E2F1: variants seen among roughly 807,000 people sequenced by gnomAD.
The protein encoded by E2F1 is transcription factor E2F1.
In E2F1, 7 loss-of-function variants were observed where a neutral mutation model predicts 36.9. The ratio of observed to expected loss-of-function variants is 0.19; its 90% CI spans 0.11 to 0.36. E2F1 has a LOEUF of 0.36. E2F1 is among the 10% of genes least tolerant of loss of function. The pLI is 1.00. For missense variants in E2F1, 406 were observed against 573.6 expected (o/e 0.71, Z 2.99); for synonymous variants, 261 against 263.1 (o/e 0.99, Z 0.08).
Position 33,677,112 on chromosome 20 carries a change from C to T in E2F1, c.1059G>A (p.Leu353=). 1.9e-6 allele frequency: 3 copies of T among 1,612,478 alleles called. No individual in the cohort carries two copies. The highest frequency in any genetic ancestry group is 1.7e-5 in the Admixed American group (1 of 59,946). The change falls in exon 6 of 7, where the codon CTG becomes CTA. Residue 353 remains leucine (L), a synonymous_variant. Coordinates refer to ENST00000343380, the MANE Select transcript of E2F1 (RefSeq NM_005225.3). ...CACCTACCCATCACCCACCTTGCTC[C>T]AGGCTGAGTAGAGACTGGCTGGGAT... The part of the protein sequence containing the change: ...TTDPSQSLLS[L]EQEPLLSRMG...
chr20:33,679,008 C>T lies in E2F1; in HGVS notation c.573-655G>A, dbSNP rs756097158. Among the ~76,000 whole-genome samples the T allele has an allele frequency of 1.1e-4, 16 of 152,136 alleles. No individual in the cohort carries two copies. The highest frequency in any genetic ancestry group is 1.9e-4 in the Non-Finnish European group (13 of 68,032). On this transcript the variant is annotated intron_variant, in intron 3 of 6. Transcript: ENST00000343380. The surrounding 1 kb of genome is among the most constrained non-coding windows in gnomAD (Gnocchi z 4.6). ...TGGAACGATCTACCAAAAAATGAAA[C>T]GGCAGGTGTATCAAAGAAAGGGTAG...
In E2F1 at chr20:33,677,202, C is replaced by T. The variant is rs2040980182; in HGVS notation, c.969G>A (p.Arg323=). The change falls in exon 6 of 7, where the codon AGG becomes AGA. Residue 323 remains arginine (R), a synonymous_variant. Coordinates refer to ENST00000343380, the MANE Select transcript of E2F1 (RefSeq NM_005225.3). ...SQEVTSEEEN[R]ATDSATIVSP... ...ACACTATGGTGGCAGAGTCAGTGGC[C>T]CTGTTCTCCTCCTCAGAAGTGACCT... 2 of 1,614,020 alleles carry T rather than the reference C, an allele frequency of 1.2e-6. No homozygotes were observed. Among genetic ancestry groups the T allele is most frequent in the Admixed American group, 1.7e-5 (1 of 59,998 alleles).
At chr20:33,684,364 G>A (rs1316214353) in intron 1 of E2F1, among the ~76,000 whole-genome samples, 2 of 152,182 alleles carry the variant, frequency 1.3e-5, no homozygotes, top group African/African-American at 4.8e-5. Flanking sequence ...GGCCCCTGGA[G>A]TACAGGAGAC....
At chr20:33,677,400 T>C in intron 5 of E2F1, 26 bp downstream of exon 5, 1 of 1,611,836 alleles carries the variant, frequency 6.2e-7, no homozygotes, top group Non-Finnish European at 8.5e-7. Flanking sequence ...CCCAGCCCAG[T>C]TGGGCCCGGA....
intron 1 of E2F1, among the ~76,000 whole-genome samples, chr20:33,680,694 C>T (rs900123668): frequency 6.6e-6 from 1 of 152,208 alleles, no homozygotes; most frequent in Non-Finnish European, 1.5e-5. Context: ...CTAATTCTCC[C>T]CTTATGAGCC....
chr20:33,680,202 G>C (rs2018005073), intron 2 of E2F1, 124 bp downstream of exon 2: 2 of 1,108,636 alleles, frequency 1.8e-6, no homozygotes, highest in Non-Finnish European at 2.6e-6. Context: ...TGCCCATCAG[G>C]GTCCTCAGAG....
intron 1 of E2F1, among the ~76,000 whole-genome samples, chr20:33,682,444 C>T (rs1359189515): frequency 6.6e-6 from 1 of 152,160 alleles, no homozygotes; most frequent in Non-Finnish European, 1.5e-5. Flanking sequence ...TTGGCTGGTA[C>T]AGAGCCCACA....
chr20:33,678,377 T>C (rs540997640), intron 3 of E2F1, 24 bp from the exon 4 acceptor site: 38 of 1,610,058 alleles, frequency 2.4e-5, no homozygotes, highest in Non-Finnish European at 3.0e-5. Flanking sequence ...CCAGGGAGGG[T>C]AGGGTTAACA....
chr20:33,686,369 G>T lies in E2F1; in HGVS notation c.-105C>A. 1 of 932,018 alleles carries T rather than the reference G, an allele frequency of 1.1e-6. No homozygotes were observed. The highest frequency in any genetic ancestry group is 4.9e-5 in the South Asian group (1 of 20,302). The allele number at this position is 932,018 out of a possible 1,614,324, so 57.7% of individuals were successfully genotyped here. On this transcript the variant is annotated 5_prime_UTR_variant, in exon 1 of 7. Transcript: ENST00000343380. ...CGATCCCGCTCCGCCCCCGGCCGCCGCTGCCTGCAAAGTCCCGGCCACTTT... is the reference window on the plus strand; with the variant it reads ...CGATCCCGCTCCGCCCCCGGCCGCCTCTGCCTGCAAAGTCCCGGCCACTTT...
intron 1 of E2F1, among the ~76,000 whole-genome samples, chr20:33,685,385 C>T (rs2018057929): frequency 6.6e-6 from 1 of 152,062 alleles, no homozygotes; most frequent in South Asian, 2.1e-4. Flanking sequence ...CCGGCCAGGC[C>T]TGCACCTGGC....
At chr20:33,685,338 G>A (rs1459912908) in intron 1 of E2F1, among the ~76,000 whole-genome samples, 1 of 152,084 alleles carries the variant, frequency 6.6e-6, no homozygotes, top group African/African-American at 2.4e-5. Context: ...CTGCAGAGAA[G>A]GCCTCCCAGC....
Position 33,677,339 on chromosome 20 carries a change from A to C in E2F1, c.841-9T>G, listed in dbSNP as rs1226894964. Reference sequence around the variant, plus strand: ...AGGGAGATCTGAAAGTTCTGGGTGGAAGCAGCAGGCAGGGTAAACTGAGGC... The same window carrying C: ...AGGGAGATCTGAAAGTTCTGGGTGGCAGCAGCAGGCAGGGTAAACTGAGGC... On this transcript the variant is annotated splice_polypyrimidine_tract_variant and intron_variant, in intron 5 of 6. Transcript: ENST00000343380. The C allele has an allele frequency of 6.2e-7, 1 of 1,612,348 alleles. No homozygotes were observed. Among genetic ancestry groups the C allele is most frequent in the Non-Finnish European group, 8.5e-7 (1 of 1,178,870 alleles).
In E2F1 at chr20:33,686,132, G is replaced by A. The variant is rs1209626586; in HGVS notation, c.133C>T (p.Pro45Ser). The A allele has an allele frequency of 1.7e-5, 18 of 1,060,886 alleles. No homozygotes were observed. Among genetic ancestry groups the A allele is most frequent in the Non-Finnish European group, 2.0e-5 (18 of 880,862 alleles). 65.7% of individuals were successfully genotyped at this position (1,060,886 alleles called of 1,614,324 possible). ...GCCGCGGGGCCGGTGGGAGCCGGCG[G>A]GGCGCTGGCGTCCTGCGCGGCGGAG... Reference protein sequence around the residue: ...IISAAQDASAPPAPTGPAAPA... With the variant: ...IISAAQDASASPAPTGPAAPA... Residue 45 changes from proline (P) to serine (S), a missense_variant, in exon 1 of 7, where the codon CCG becomes TCG. By Grantham distance (74) the Pro-to-Ser change is moderately conservative. Coordinates refer to ENST00000343380, the MANE Select transcript of E2F1 (RefSeq NM_005225.3).
intron 5 of E2F1, 25 bp downstream of exon 5, chr20:33,677,396 CCAGTT>C (rs1170342606): frequency 6.2e-7 from 1 of 1,611,436 alleles, no homozygotes; most frequent in African/African-American, 1.3e-5. Flanking sequence ...CCAGCCCAGC[CCAGTT>C]GGGCCCGGAG....
At chr20:33,677,652 T>G in intron 4 of E2F1, 112 bp from the exon 5 acceptor site, 2 of 753,082 alleles carry the variant, frequency 2.7e-6, no homozygotes, top group East Asian at 5.3e-5. Context: ...CCCAACCTCC[T>G]ACCCACTCAA....
intron 2 of E2F1, 33 bp downstream of exon 2, chr20:33,680,293 A>G: frequency 6.2e-7 from 1 of 1,605,714 alleles, no homozygotes; most frequent in Admixed American, 1.7e-5. Context: ...GCCTGGTCAC[A>G]GGGGGTCTGC....
intron 1 of E2F1, 79 bp from the exon 2 acceptor site, chr20:33,680,495 G>C (rs2018007624): frequency 7.8e-7 from 1 of 1,277,120 alleles, no homozygotes. Flanking sequence ...GTGCCTCTGG[G>C]CTACCCTCGC....
In E2F1 at chr20:33,676,721, T is replaced by C. The variant is rs144921013; in HGVS notation, c.*11A>G. On this transcript the variant is annotated 3_prime_UTR_variant, in exon 7 of 7. Coordinates refer to ENST00000343380, the MANE Select transcript of E2F1 (RefSeq NM_005225.3). ...GAGCATCTCTGGAAACCCTGGTCCC[T>C]CCAAGCCCTGTCAGAAATCCAGGGG... The C allele has an allele frequency of 2.5e-6, 4 of 1,602,904 alleles. No individual in the cohort carries two copies. Among genetic ancestry groups the C allele is most frequent in the Non-Finnish European group, 3.4e-6 (4 of 1,174,730 alleles).
intron 6 of E2F1, 35 bp from the exon 7 acceptor site, chr20:33,677,014 C>G: frequency 6.4e-7 from 1 of 1,557,744 alleles, no homozygotes; most frequent in Non-Finnish European, 8.7e-7. Flanking sequence ...GCCGGGGATG[C>G]CCCAGCAGGG....
Sources: allele counts gnomAD v4.1 joint callset (sites outside exome capture counted in the v4.1 genomes callset), GRCh38; gene constraint gnomAD v4.1.1; non-coding constraint Gnocchi (gnomAD v3.1); transcripts MANE v1.5; gene names NCBI Gene and HGNC (gene_info 2026-07-23, HGNC 2026-07-21).